The following CDH4 variants were observed in gnomAD, a reference collection of about 807,000 sequenced individuals.
CDH4 encodes cadherin-4.
Under a neutral mutation model 86.0 loss-of-function variants are expected in CDH4, and 33 were observed. The observed-to-expected ratio is 0.38, with a 90% CI of 0.29 to 0.51. The LOEUF is 0.51. Among genes scored for constraint, CDH4 ranks in the 20% least tolerant of loss-of-function variants. CDH4 has a pLI of 0.86. For missense variants in CDH4, 1,114 were observed against 1,307.4 expected (o/e 0.85, Z 2.28); for synonymous variants, 555 against 549.4 (o/e 1.01, Z -0.14).
chr20:61,309,623 G>GT (rs2084435035), intron 2 of CDH4, among the ~76,000 whole-genome samples: 2 of 152,190 alleles, frequency 1.3e-5, no homozygotes, highest in African/African-American at 2.4e-5. Flanking sequence ...ACTTTGAAAA[G>GT]TTTCCCCAAG....
In CDH4 at chr20:61,599,916, G is replaced by A. The variant is rs143063764; in HGVS notation, c.170-143647G>A. 3.8e-3 allele frequency: 3,725 copies of A among 985,492 alleles called. 7 individuals are homozygous for A. The highest frequency in any genetic ancestry group is 9.9e-3 in the Middle Eastern group (19 of 1,914). The allele number at this position is 985,492 out of a possible 1,614,324, so 61.0% of individuals were successfully genotyped here. On this transcript the variant is annotated intron_variant, in intron 2 of 15. Coordinates refer to ENST00000614565, the MANE Select transcript of CDH4 (RefSeq NM_001794.5). ...CTCACAGCTTGGAAAATAAAGGGAG[G>A]AAGGAGTCCCAGCCACAGGGTAGAG... is the stretch of plus-strand genomic sequence containing the variant.
chr20:61,724,253 C>T lies in CDH4; in HGVS notation c.170-19310C>T, dbSNP rs534506093. On this transcript the variant is annotated intron_variant, in intron 2 of 15. Coordinates refer to ENST00000614565, the MANE Select transcript of CDH4 (RefSeq NM_001794.5). ...ACCCAGCGGGCTCCTCACTGCCCTGCCCCTGCTTCAAGGCAGCATCCAGGC... is the reference window on the plus strand; with the variant it reads ...ACCCAGCGGGCTCCTCACTGCCCTGTCCCTGCTTCAAGGCAGCATCCAGGC... 3.9e-5 allele frequency among the ~76,000 whole-genome samples: 6 copies of T among 152,290 alleles called. No homozygotes were observed. In the East Asian group the frequency reaches 1.2e-3, roughly 29 times the overall value.
intron 2 of CDH4, among the ~76,000 whole-genome samples, chr20:61,636,002 T>C (rs916544555): frequency 2.4e-4 from 36 of 152,222 alleles, no homozygotes; most frequent in Non-Finnish European, 2.9e-5. Context: ...GCAGCAGGCC[T>C]GAGTCCTCTC....
At chr20:61,615,913 G>T (rs1207144168) in intron 2 of CDH4, among the ~76,000 whole-genome samples, 1 of 152,230 alleles carries the variant, frequency 6.6e-6, no homozygotes, top group Non-Finnish European at 1.5e-5. Context: ...CAGCCTCGCT[G>T]CTGGCTGGAT....
chr20:61,674,775 C>T (rs1283769496), intron 2 of CDH4, among the ~76,000 whole-genome samples: 6 of 152,308 alleles, frequency 3.9e-5, no homozygotes, highest in Admixed American at 2.6e-4. Context: ...GTATTTCATG[C>T]TGATTGACTG....
At chr20:61,911,483 CA>C (rs1342416372) in intron 9 of CDH4, among the ~76,000 whole-genome samples, 2 of 152,126 alleles carry the variant, frequency 1.3e-5, no homozygotes, top group African/African-American at 4.8e-5. Context: ...GCTATTGTCC[CA>C]AAACAATTTT....
chr20:61,694,213 C>T (rs541632568), intron 2 of CDH4, among the ~76,000 whole-genome samples: 4 of 152,222 alleles, frequency 2.6e-5, no homozygotes, highest in South Asian at 2.1e-4. Context: ...GTTTCCTAAA[C>T]GTGCAGGGTG....
chr20:61,715,519 G>T (rs2087943288), intron 2 of CDH4, among the ~76,000 whole-genome samples: 1 of 152,136 alleles, frequency 6.6e-6, no homozygotes. Flanking sequence ...TCCATAACAA[G>T]CCCACTCCCA....
intron 2 of CDH4, among the ~76,000 whole-genome samples, chr20:61,622,652 T>C (rs2086787772): frequency 6.6e-6 from 1 of 152,252 alleles, no homozygotes; most frequent in African/African-American, 2.4e-5. Context: ...AGGGACAGCA[T>C]GCCACTGGAG....
At chr20:61,492,307 TAGG>T (rs143625367) in intron 2 of CDH4, among the ~76,000 whole-genome samples, 17,812 of 151,544 alleles carry the variant, frequency 0.12, 1,391 homozygotes, top group Middle Eastern at 0.23. Flanking sequence ...GGTGTTGATG[TAGG>T]TGGTGTTGAT....
intron 4 of CDH4, among the ~76,000 whole-genome samples, chr20:61,776,117 G>A (rs1486972256): frequency 2.0e-5 from 3 of 152,224 alleles, no homozygotes; most frequent in East Asian, 3.9e-4. Context: ...GATGGGCCCA[G>A]TTGTCCTGTT....
intron 2 of CDH4, among the ~76,000 whole-genome samples, chr20:61,622,403 C>T (rs1191652967): frequency 1.3e-5 from 2 of 152,204 alleles, no homozygotes; most frequent in Admixed American, 6.5e-5. Flanking sequence ...AGGCATACCC[C>T]GGGTGCAAGA....
In CDH4 at chr20:61,582,748, C is replaced by A. The variant is rs547627377; in HGVS notation, c.170-160815C>A. Among the ~76,000 whole-genome samples the A allele has an allele frequency of 6.6e-6, 1 of 152,140 alleles. No individual in the cohort carries two copies. Among genetic ancestry groups the A allele is most frequent in the African/African-American group, 2.4e-5 (1 of 41,430 alleles). On this transcript the variant is annotated intron_variant, in intron 2 of 15. Coordinates refer to ENST00000614565, the MANE Select transcript of CDH4 (RefSeq NM_001794.5). The surrounding 1 kb of genome is among the most constrained non-coding windows in gnomAD (Gnocchi z 4.2). Reference sequence around the variant, plus strand: ...CCAGATGTCCTGTTGGTGCCCAGCACGCCTGCCCTTCGTTTCTTTAACAGT... The same window carrying A: ...CCAGATGTCCTGTTGGTGCCCAGCAAGCCTGCCCTTCGTTTCTTTAACAGT...
At chr20:61,386,056 G>A (rs998822825) in intron 2 of CDH4, among the ~76,000 whole-genome samples, 7 of 152,262 alleles carry the variant, frequency 4.6e-5, no homozygotes, top group South Asian at 2.1e-4. Context: ...TGCAGCTGTC[G>A]GCCAGGAGCA....
At position 61,684,976 on chromosome 20, in the gene CDH4, T is replaced by G. The variant is rs1345808053; in HGVS notation, c.170-58587T>G. ...CTTAGTCAATTCAGAGTTCCATGTA[T>G]AGTGTAGAGTTGAGTATATGTTACA... On this transcript the variant is annotated intron_variant, in intron 2 of 15. Coordinates refer to ENST00000614565, the MANE Select transcript of CDH4 (RefSeq NM_001794.5). The surrounding 1 kb of genome is among the most constrained non-coding windows in gnomAD (Gnocchi z 4.5). Among the ~76,000 whole-genome samples, 2 of 152,220 alleles carry G rather than the reference T, an allele frequency of 1.3e-5. No individual in the cohort carries two copies. The highest frequency in any genetic ancestry group is 1.3e-4 in the Admixed American group (2 of 15,286).
At chr20:61,770,430 G>A (rs571620524) in intron 3 of CDH4, among the ~76,000 whole-genome samples, 2 of 152,340 alleles carry the variant, frequency 1.3e-5, no homozygotes, top group South Asian at 4.1e-4. Context: ...CTGCAATTCA[G>A]ATAAAATGAG....
chr20:61,751,506 C>T (rs181249159), intron 3 of CDH4, among the ~76,000 whole-genome samples: 5 of 152,168 alleles, frequency 3.3e-5, no homozygotes, highest in Admixed American at 2.6e-4. Flanking sequence ...CTACAAAATC[C>T]ACCCAGTTCA....
At chr20:61,769,546 G>A (rs1379736498) in intron 3 of CDH4, among the ~76,000 whole-genome samples, 1 of 152,228 alleles carries the variant, frequency 6.6e-6, no homozygotes, top group Admixed American at 6.5e-5. Context: ...ACCACAGAAG[G>A]GAGAGGTGGC....
chr20:61,782,784 C>T (rs1978618217), intron 4 of CDH4, among the ~76,000 whole-genome samples: 1 of 152,142 alleles, frequency 6.6e-6, no homozygotes, highest in African/African-American at 2.4e-5. Flanking sequence ...TTAAGTTAAT[C>T]AAAATGAATT....
Sources: gnomAD v4.1 joint callset for allele counts (sites outside exome capture counted in the v4.1 genomes callset) on GRCh38, gnomAD v4.1.1 for gene constraint, Gnocchi (gnomAD v3.1) non-coding constraint, MANE v1.5 for transcripts, NCBI Gene and HGNC (gene_info 2026-07-23, HGNC 2026-07-21) for gene names.